Variants in ZNF521 observed in about 807,000 individuals in gnomAD.
The protein encoded by ZNF521 is zinc finger protein 521, also known as LYST-interacting protein 3.
In ZNF521, 14 loss-of-function variants were observed where a neutral mutation model predicts 105.5. That is an observed-to-expected ratio of 0.13 (90% CI 0.09 to 0.21). The LOEUF is 0.21. Among genes scored for constraint, ZNF521 ranks in the 10% least tolerant of loss-of-function variants. The pLI, the probability that ZNF521 is intolerant of heterozygous loss-of-function variation, is 1.00. For synonymous variants in ZNF521, 635 were observed against 606.0 expected (o/e 1.05, Z -0.70); for missense variants, 1,233 against 1,629.7 (o/e 0.76, Z 4.19).
chr18:25,314,519 GAAC>G (rs1191427675), intron 3 of ZNF521, among the ~76,000 whole-genome samples: 13 of 152,104 alleles, frequency 8.5e-5, no homozygotes, highest in African/African-American at 2.9e-4. Flanking sequence ...TTACACTGAC[GAAC>G]AACATCCACT....
intron 3 of ZNF521, among the ~76,000 whole-genome samples, chr18:25,238,815 T>A (rs1002623690): frequency 7.9e-5 from 12 of 152,152 alleles, no homozygotes; most frequent in Non-Finnish European, 1.5e-4. Flanking sequence ...AACTGCCTGT[T>A]TAAAATGCAG....
intron 2 of ZNF521, among the ~76,000 whole-genome samples, chr18:25,345,049 T>C (rs1044786338): frequency 2.0e-5 from 3 of 152,254 alleles, no homozygotes; most frequent in African/African-American, 7.2e-5. Flanking sequence ...CAAGCAAGTA[T>C]ACTTAATAAT....
intron 5 of ZNF521, among the ~76,000 whole-genome samples, chr18:25,099,611 A>G (rs1340288706): frequency 6.6e-6 from 1 of 152,210 alleles, no homozygotes; most frequent in Non-Finnish European, 1.5e-5. Flanking sequence ...AAGTCTCTAT[A>G]CCGTACATCC....
chr18:25,112,197 C>T (rs2034204876), intron 5 of ZNF521, among the ~76,000 whole-genome samples: 1 of 152,212 alleles, frequency 6.6e-6, no homozygotes, highest in Non-Finnish European at 1.5e-5. Flanking sequence ...TGCATACATA[C>T]ATACAAATAT....
intron 3 of ZNF521, among the ~76,000 whole-genome samples, chr18:25,233,510 T>C (rs1169027916): frequency 5.3e-5 from 8 of 152,164 alleles, no homozygotes; most frequent in Non-Finnish European, 8.8e-5. Context: ...TGAACTGTTC[T>C]AGAAGGACCA....
chr18:25,245,155 G>A (rs530314147), intron 3 of ZNF521, among the ~76,000 whole-genome samples: 1 of 152,208 alleles, frequency 6.6e-6, no homozygotes, highest in Non-Finnish European at 1.5e-5. Context: ...TTCTGAGGAA[G>A]AGAGTTTTAA....
chr18:25,189,948 C>T (rs1460561239), intron 5 of ZNF521, among the ~76,000 whole-genome samples: 1 of 152,214 alleles, frequency 6.6e-6, no homozygotes, highest in African/African-American at 2.4e-5. Context: ...CCAGCTTGCT[C>T]CATTACCTAC....
intron 5 of ZNF521, among the ~76,000 whole-genome samples, chr18:25,185,395 G>GA (rs2035703411): frequency 6.6e-6 from 1 of 152,090 alleles, no homozygotes; most frequent in African/African-American, 2.4e-5. Flanking sequence ...GTGCATAAGA[G>GA]AAAAAAATGA....
chr18:25,185,747 A>G (rs547047345), intron 5 of ZNF521, among the ~76,000 whole-genome samples: 11 of 152,298 alleles, frequency 7.2e-5, no homozygotes, highest in Admixed American at 2.6e-4. Flanking sequence ...AAATAAATAA[A>G]TAAACAGAGG....
At chr18:25,075,973 T>A (rs1419451493) in intron 7 of ZNF521, among the ~76,000 whole-genome samples, 1 of 152,208 alleles carries the variant, frequency 6.6e-6, no homozygotes, top group Non-Finnish European at 1.5e-5. Flanking sequence ...TCATTTTTTT[T>A]TGGAATGCAA....
Position 25,152,991 on chromosome 18 carries a change from T to C in ZNF521, c.3658+42169A>G, listed in dbSNP as rs77285801. Among the ~76,000 whole-genome samples, 39 of 152,272 alleles carry C rather than the reference T, an allele frequency of 2.6e-4. No individual in the cohort carries two copies. The East Asian group carries it at 6.8e-3, about 26-fold the overall frequency. ...TACCCCCCAAACACCATAAAATGTA[T>C]AGATATTTGTCTTAAAACATAAACC... On this transcript the variant is annotated intron_variant, in intron 5 of 7. Transcript: ENST00000361524.
At chr18:25,331,861 C>A (rs1803219655) in intron 2 of ZNF521, among the ~76,000 whole-genome samples, 1 of 149,812 alleles carries the variant, frequency 6.7e-6, no homozygotes, top group Non-Finnish European at 1.5e-5. Flanking sequence ...TCATTCAATT[C>A]TCTTTACTAG....
intron 3 of ZNF521, among the ~76,000 whole-genome samples, chr18:25,244,964 G>A (rs1341223491): frequency 6.6e-6 from 1 of 152,194 alleles, no homozygotes; most frequent in Non-Finnish European, 1.5e-5. Flanking sequence ...AAAATGTGTG[G>A]TGAATTCCAA....
chr18:25,239,574 A>T (rs1907164642), intron 3 of ZNF521, among the ~76,000 whole-genome samples: 1 of 152,240 alleles, frequency 6.6e-6, no homozygotes, highest in Admixed American at 6.5e-5. Context: ...GAAAAGAGGA[A>T]GGGAGCTTCC....
At chr18:25,180,299 T>G (rs2035609831) in intron 5 of ZNF521, among the ~76,000 whole-genome samples, 1 of 152,204 alleles carries the variant, frequency 6.6e-6, no homozygotes, top group African/African-American at 2.4e-5. Context: ...AATGCAATAT[T>G]ATACATACTA....
intron 3 of ZNF521, among the ~76,000 whole-genome samples, chr18:25,318,941 GAGAAAAAAA>G (rs892556237): frequency 7.1e-6 from 1 of 141,294 alleles, no homozygotes; most frequent in African/African-American, 2.6e-5. Context: ...AAAGAACCAG[GAGAAAAAAA>G]AGAAAAAAAA....
intron 4 of ZNF521, among the ~76,000 whole-genome samples, chr18:25,196,056 C>T (rs2035897201): frequency 6.6e-6 from 1 of 151,648 alleles, no homozygotes; most frequent in Admixed American, 6.6e-5. Flanking sequence ...AATTTTACAT[C>T]TTTATTACTG....
chr18:25,325,678 A>G (rs1480533587), intron 2 of ZNF521, among the ~76,000 whole-genome samples: 1 of 151,810 alleles, frequency 6.6e-6, no homozygotes, highest in Non-Finnish European at 1.5e-5. Flanking sequence ...AAATGATCTC[A>G]CCTCCTCAAC....
Position 25,224,568 on chromosome 18 carries a change from C to T in ZNF521, c.3350G>A (p.Gly1117Asp), listed in dbSNP as rs745611782. The change falls in exon 4 of 8, where the codon GGC becomes GAC. Residue 1117 changes from glycine to aspartate, a missense_variant. Gly to Asp is a moderately conservative substitution (Grantham distance 94, BLOSUM62 -1). This residue lies in a region of ZNF521 where 614 missense variants were observed against 751.5 expected (regional missense o/e 0.82). Transcript: ENST00000361524. ...INVPPGTNRP[G>D]LGQNENLSAI... Reference sequence around the variant, plus strand: ...ACTCAGATTCTCATTCTGGCCCAAGCCTGGTCTATTCGTGCCGGGAGGGAC... The same window carrying T: ...ACTCAGATTCTCATTCTGGCCCAAGTCTGGTCTATTCGTGCCGGGAGGGAC... 7 of 1,613,972 alleles carry T rather than the reference C, an allele frequency of 4.3e-6. No homozygotes were observed. The Admixed American group carries it at 1.2e-4, about 27-fold the overall frequency.
Sources: gnomAD v4.1 joint callset for allele counts (sites outside exome capture counted in the v4.1 genomes callset) on GRCh38, gnomAD v4.1.1 for gene constraint, gnomAD v4.1.1 regional missense constraint, MANE v1.5 for transcripts, NCBI Gene and HGNC (gene_info 2026-07-23, HGNC 2026-07-21) for gene names.